OPCML: variants seen among roughly 807,000 people sequenced by gnomAD.
The protein encoded by OPCML is opioid binding protein/cell adhesion molecule like.
A neutral mutation model predicts 37.8 loss-of-function variants in OPCML; 13 were observed. The observed-to-expected ratio is 0.34, with a 90% CI of 0.22 to 0.55. The LOEUF (loss-of-function observed/expected upper bound fraction) is 0.55. Ranked by LOEUF, OPCML falls within the 20% of genes least tolerant of loss-of-function variation. The pLI, the probability that OPCML is intolerant of heterozygous loss-of-function variation, is 0.91. For synonymous variants in OPCML, 176 were observed against 168.8 expected (o/e 1.04, Z -0.33); for missense variants, 341 against 435.6 (o/e 0.78, Z 1.93).
At chr11:132,976,340 G>T (rs994071978) in intron 1 of OPCML, among the ~76,000 whole-genome samples, 4 of 152,130 alleles carry the variant, frequency 2.6e-5, no homozygotes, top group African/African-American at 9.7e-5. Flanking sequence ...TGCTATCTCA[G>T]TTCCTGTTCT....
chr11:133,491,743 G>A (rs1947666815), intron 1 of OPCML, among the ~76,000 whole-genome samples: 1 of 152,144 alleles, frequency 6.6e-6, no homozygotes, highest in Non-Finnish European at 1.5e-5. Flanking sequence ...CAGGTCCTTG[G>A]AGAGAGAGTC....
chr11:133,220,077 C>T (rs1939752777), intron 1 of OPCML, among the ~76,000 whole-genome samples: 1 of 152,132 alleles, frequency 6.6e-6, no homozygotes, highest in African/African-American at 2.4e-5. Flanking sequence ...TTCCTTCAAC[C>T]CTAAGACTGT....
chr11:132,882,840 T>C (rs1287552244), intron 2 of OPCML, among the ~76,000 whole-genome samples: 1 of 152,122 alleles, frequency 6.6e-6, no homozygotes, highest in Non-Finnish European at 1.5e-5. Flanking sequence ...GGAGAAAATA[T>C]TTTATCCTGC....
intron 1 of OPCML, among the ~76,000 whole-genome samples, chr11:133,312,373 G>A (rs759464982): frequency 2.4e-4 from 36 of 152,266 alleles, no homozygotes; most frequent in Middle Eastern, 3.4e-3. Flanking sequence ...TGTTTCGCAC[G>A]GATTCTCTGA....
chr11:132,653,990 A>G (rs371304446), intron 3 of OPCML, among the ~76,000 whole-genome samples: 98 of 152,360 alleles, frequency 6.4e-4, no homozygotes, highest in African/African-American at 2.2e-3. Context: ...ATTGTCTTCC[A>G]AAAGCTTTCT....
chr11:132,981,126 T>A (rs1946573165), intron 1 of OPCML, among the ~76,000 whole-genome samples: 1 of 152,228 alleles, frequency 6.6e-6, no homozygotes, highest in Non-Finnish European at 1.5e-5. Context: ...TCATCATTGA[T>A]CCAAACGTCG....
chr11:132,724,774 C>G (rs1345577208), intron 2 of OPCML, among the ~76,000 whole-genome samples: 6 of 152,268 alleles, frequency 3.9e-5, no homozygotes, highest in Admixed American at 6.5e-5. Context: ...ACAGCCATTC[C>G]AAACGGAAGA....
chr11:132,512,736 T>G (rs1205427883), intron 4 of OPCML, among the ~76,000 whole-genome samples: 1 of 150,064 alleles, frequency 6.7e-6, no homozygotes, highest in Non-Finnish European at 1.5e-5. Flanking sequence ...TATACATATT[T>G]TGCTAAATAT....
intron 1 of OPCML, among the ~76,000 whole-genome samples, chr11:133,078,621 C>G (rs907960465): frequency 2.6e-5 from 4 of 152,208 alleles, no homozygotes; most frequent in African/African-American, 9.6e-5. Context: ...CCTTGACCCT[C>G]ATCCCTCCAG....
chr11:132,620,246 A>C (rs1457981878), intron 3 of OPCML, among the ~76,000 whole-genome samples: 1 of 152,250 alleles, frequency 6.6e-6, no homozygotes, highest in Non-Finnish European at 1.5e-5. Context: ...ATTGAAACTC[A>C]CAGACATAAA....
chr11:133,090,324 G>A (rs1472338294), intron 1 of OPCML, among the ~76,000 whole-genome samples: 1 of 152,094 alleles, frequency 6.6e-6, no homozygotes, highest in Non-Finnish European at 1.5e-5. Context: ...GGCAGAGGCT[G>A]GAAGAGTTTG....
At chr11:132,745,681 C>T (rs1945607574) in intron 2 of OPCML, among the ~76,000 whole-genome samples, 1 of 152,024 alleles carries the variant, frequency 6.6e-6, no homozygotes, top group Non-Finnish European at 1.5e-5. Context: ...ACTTCCCTGG[C>T]TCTTGGAGGT....
chr11:132,755,483 C>T, intron 2 of OPCML, among the ~76,000 whole-genome samples: 1 of 152,112 alleles, frequency 6.6e-6, no homozygotes, highest in East Asian at 1.9e-4. Context: ...CCATATATTG[C>T]ACGTGGTTGC....
chr11:132,880,237 A>G (rs1160708313), intron 2 of OPCML, among the ~76,000 whole-genome samples: 1 of 152,188 alleles, frequency 6.6e-6, no homozygotes, highest in African/African-American at 2.4e-5. Flanking sequence ...AAATGTTTAA[A>G]TAATTAAAAT....
At chr11:132,693,873 C>T (rs1205614406) in intron 2 of OPCML, among the ~76,000 whole-genome samples, 2 of 151,956 alleles carry the variant, frequency 1.3e-5, no homozygotes, top group East Asian at 1.9e-4. Context: ...CATCTGGACA[C>T]GAGTCTCTGA....
intron 1 of OPCML, among the ~76,000 whole-genome samples, chr11:133,096,032 A>G (rs1948996860): frequency 6.6e-6 from 1 of 152,064 alleles, no homozygotes; most frequent in Non-Finnish European, 1.5e-5. Context: ...TGAAGAATGA[A>G]TAAGTAAAAT....
At chr11:132,949,823 TGAA>T (rs1010220426) in intron 1 of OPCML, among the ~76,000 whole-genome samples, 6 of 152,212 alleles carry the variant, frequency 3.9e-5, no homozygotes, top group Non-Finnish European at 7.4e-5. Context: ...TAAGCAGTGT[TGAA>T]GGAGGGGGAA....
chr11:133,016,966 T>C (rs1401979149), intron 1 of OPCML, among the ~76,000 whole-genome samples: 1 of 152,214 alleles, frequency 6.6e-6, no homozygotes, highest in Non-Finnish European at 1.5e-5. Flanking sequence ...CTCTGAAATA[T>C]GTGTTTTTAA....
intron 2 of OPCML, among the ~76,000 whole-genome samples, chr11:132,829,863 G>A (rs1166180683): frequency 2.0e-5 from 3 of 152,046 alleles, no homozygotes; most frequent in African/African-American, 7.2e-5. Flanking sequence ...CTCATTTGGG[G>A]TCCACATCTC....
Sources: gnomAD v4.1 joint callset for allele counts (sites outside exome capture counted in the v4.1 genomes callset) on GRCh38, gnomAD v4.1.1 for gene constraint, MANE v1.5 for transcripts, NCBI Gene and HGNC (gene_info 2026-07-23, HGNC 2026-07-21) for gene names.